The following DNAH14 variants were observed in gnomAD, a reference collection of about 807,000 sequenced individuals.
DNAH14 encodes the protein dynein axonemal heavy chain 14.
Under a neutral mutation model 520.9 loss-of-function variants are expected in DNAH14, and 478 were observed. The ratio of observed to expected loss-of-function variants is 0.92; its 90% CI spans 0.85 to 0.99. DNAH14 has a LOEUF of 0.99. Among genes scored for constraint, DNAH14 ranks in the 50% least tolerant of loss-of-function variants. The pLI, the probability that DNAH14 is intolerant of heterozygous loss-of-function variation, is 0.00. For synonymous variants in DNAH14, 1,581 were observed against 1,757.2 expected, an observed-to-expected ratio of 0.90 and a Z score of 2.51; for missense variants, 4,831 against 5,234.5, an observed-to-expected ratio of 0.92 and a Z score of 2.38.
chr1:225,182,996 T>C (rs988935788), intron 36 of DNAH14, among the ~76,000 whole-genome samples: 1 of 152,212 alleles, frequency 6.6e-6, no homozygotes, highest in Non-Finnish European at 1.5e-5. Context: ...TGAGATCAGC[T>C]GCAGCAGCTA....
chr1:225,351,772 G>A lies in DNAH14; in HGVS notation c.11422G>A (p.Val3808Ile), dbSNP rs1009849112. The change falls in exon 72 of 86, where the codon GTA (valine) becomes ATA (isoleucine). Residue 3808 changes from valine to isoleucine, a missense_variant. Coordinates refer to ENST00000682510, the MANE Select transcript of DNAH14 (RefSeq NM_001367479.1). ...SLLCKSLLSN[V>I]SQWDTFKNSK... The stretch of plus-strand genomic sequence containing the variant: ...TCTGTGCAAATCCCTTTTATCAAAC[G>A]TATCACAATGGGATACTTTTAAGAA... 2.2e-5 allele frequency: 34 copies of A among 1,551,014 alleles called. No homozygotes were observed. Among genetic ancestry groups the A allele is most frequent in the East Asian group, 1.2e-4 (5 of 40,910 alleles).
Position 225,367,874 on chromosome 1 carries a change from G to A in DNAH14, c.12160G>A (p.Glu4054Lys). 1 of 1,551,580 alleles carries A rather than the reference G, an allele frequency of 6.4e-7. No individual in the cohort carries two copies. The highest frequency in any genetic ancestry group is 1.2e-5 in the South Asian group (1 of 84,060). Reference sequence around the variant, plus strand: ...GACATTTGGATGTACTGGGAGTGGAGAGGTAACAGAAGAGATATTTGAAAA... The same window carrying A: ...GACATTTGGATGTACTGGGAGTGGAAAGGTAACAGAAGAGATATTTGAAAA... ...LQTFGCTGSGEVTEEIFENPD... is the reference protein window; with the variant it reads ...LQTFGCTGSGKVTEEIFENPD... Residue 4054 changes from glutamate (E) to lysine (K), a missense_variant, in exon 77 of 86, where the codon GAG (glutamate) becomes AAG (lysine). By Grantham distance (56) the Glu-to-Lys change is moderately conservative. Coordinates refer to ENST00000682510, the MANE Select transcript of DNAH14 (RefSeq NM_001367479.1).
chr1:225,299,889 T>A (rs891605670), intron 55 of DNAH14, among the ~76,000 whole-genome samples: 5 of 152,120 alleles, frequency 3.3e-5, no homozygotes, highest in African/African-American at 1.2e-4. Context: ...ACTGGAGAGC[T>A]CCCCACAAGC....
intron 1 of DNAH14, among the ~76,000 whole-genome samples, chr1:224,934,212 C>T (rs2449322): frequency 0.26 from 39,723 of 151,786 alleles, 8,077 homozygotes; most frequent in African/African-American, 0.56. Context: ...ATCTCAGATA[C>T]AGAACTCAAA....
intron 36 of DNAH14, among the ~76,000 whole-genome samples, chr1:225,176,343 T>C (rs2083330453): frequency 6.6e-6 from 1 of 152,212 alleles, no homozygotes; most frequent in African/African-American, 2.4e-5. Context: ...TTTTCAAAAA[T>C]AGTGAAGAGT....
Position 225,192,869 on chromosome 1 carries a change from CAT to C in DNAH14, c.5845_5846del (p.Ile1949Ter), listed in dbSNP as rs1478510498. 6.5e-7 allele frequency: 1 copy of C among 1,546,674 alleles called. No individual in the cohort carries two copies. The highest frequency in any genetic ancestry group is 8.7e-7 in the Non-Finnish European group (1 of 1,143,398). ...FNTPKNTKKD[I>X]DLRLKSRISD... Reference sequence around the variant, plus strand: ...ACACACCAAAGAACACAAAGAAAGACATTGATCTCAGACTAAAGTCAAGAATC... The same window carrying C: ...ACACACCAAAGAACACAAAGAAAGACTGATCTCAGACTAAAGTCAAGAATC... On this transcript the variant is annotated frameshift_variant, in exon 38 of 86. Coordinates refer to ENST00000682510, the MANE Select transcript of DNAH14 (RefSeq NM_001367479.1). LOFTEE classifies it high-confidence loss of function.
At chr1:225,395,315 C>T (rs957034512) in intron 84 of DNAH14, among the ~76,000 whole-genome samples, 2 of 152,024 alleles carry the variant, frequency 1.3e-5, no homozygotes, top group African/African-American at 4.8e-5. Flanking sequence ...AGGATTAGGC[C>T]GGGCGCGGTG....
At chr1:225,173,944 A>T (rs2083011238) in intron 36 of DNAH14, among the ~76,000 whole-genome samples, 1 of 152,246 alleles carries the variant, frequency 6.6e-6, no homozygotes, top group Non-Finnish European at 1.5e-5. Context: ...AAAAATGATG[A>T]GTTCATGTCC....
Position 225,043,981 on chromosome 1 carries a change from T to C in DNAH14, c.1910T>C (p.Ile637Thr). Residue 637 changes from isoleucine (I) to threonine (T), a missense_variant and splice_region_variant, in exon 15 of 86, where the codon ATA (isoleucine) becomes ACA (threonine). Ile to Thr is a moderately conservative substitution (Grantham distance 89). Coordinates refer to ENST00000682510, the MANE Select transcript of DNAH14 (RefSeq NM_001367479.1). Reference protein sequence around the residue: ...QNMLTNMEKCITTITPLCQDP... With the variant: ...QNMLTNMEKCTTTITPLCQDP... ...ATGTTGACTAATATGGAAAAATGTA[T>C]AAGTAAGTGTTTTTAAAGCTTAGTG... 1 of 1,467,316 alleles carries C rather than the reference T, an allele frequency of 6.8e-7. No individual in the cohort carries two copies. 90.9% of individuals were successfully genotyped at this position (1,467,316 alleles called of 1,614,324 possible).
At chr1:225,318,271 C>T (rs983629309) in intron 60 of DNAH14, among the ~76,000 whole-genome samples, 2 of 152,182 alleles carry the variant, frequency 1.3e-5, no homozygotes, top group African/African-American at 2.4e-5. Context: ...TAATTCTACC[C>T]TTAACTGGAC....
intron 77 of DNAH14, among the ~76,000 whole-genome samples, chr1:225,374,182 T>TATATATATATATATATAC (rs1263904206): frequency 5.1e-5 from 5 of 97,120 alleles, no homozygotes; most frequent in Admixed American, 1.2e-4. Flanking sequence ...TATATATATA[T>TATATATATATATATATAC]ACTATTCTAG....
chr1:225,304,025 C>T (rs2094192005), intron 57 of DNAH14, among the ~76,000 whole-genome samples: 2 of 151,948 alleles, frequency 1.3e-5, no homozygotes, highest in Admixed American at 1.3e-4. Context: ...AAAAAAAATG[C>T]CGCTGAGTTA....
intron 17 of DNAH14, among the ~76,000 whole-genome samples, chr1:225,072,172 T>C (rs917369379): frequency 1.3e-5 from 2 of 152,308 alleles, no homozygotes; most frequent in African/African-American, 4.8e-5. Flanking sequence ...CTCTTTCAGG[T>C]ACACCAATCA....
chr1:224,975,760 T>C (rs556637864), intron 8 of DNAH14, among the ~76,000 whole-genome samples: 144 of 151,600 alleles, frequency 9.5e-4, no homozygotes, highest in Admixed American at 1.8e-3. Context: ...ATTTCTTGCC[T>C]TCTGCTAGCT....
At chr1:225,393,815 T>TTG (rs2095958193) in intron 84 of DNAH14, among the ~76,000 whole-genome samples, 1 of 135,986 alleles carries the variant, frequency 7.4e-6, no homozygotes, top group African/African-American at 3.2e-5. Flanking sequence ...TCTTTTTTTG[T>TTG]TTTTTTTTTG....
chr1:225,318,196 T>G (rs1275383221), intron 60 of DNAH14, among the ~76,000 whole-genome samples: 2 of 152,216 alleles, frequency 1.3e-5, no homozygotes, highest in Admixed American at 1.3e-4. Context: ...GCAGGGCTGC[T>G]TGCACAGCCT....
In DNAH14 at chr1:225,380,238, G is replaced by T. The variant is rs887165297; in HGVS notation, c.12796G>T (p.Glu4266Ter). 1.1e-5 allele frequency: 17 copies of T among 1,551,576 alleles called. No individual in the cohort carries two copies. Among genetic ancestry groups the T allele is most frequent in the Non-Finnish European group, 1.4e-5 (16 of 1,147,002 alleles). Residue 4266 changes from glutamate to a stop codon, truncating the protein, a stop_gained, in exon 80 of 86, where the codon GAA becomes TAA. Transcript: ENST00000682510. LOFTEE classifies it high-confidence loss of function. ...LKRLPLTVEK[E>*]EIAVGTPSTL... Reference sequence around the variant, plus strand: ...GCGGCTGCCACTGACAGTGGAGAAAGAAGAAATTGCTGTTGGAACTCCAAG... The same window carrying T: ...GCGGCTGCCACTGACAGTGGAGAAATAAGAAATTGCTGTTGGAACTCCAAG...
chr1:225,106,733 G>C (rs3101915), intron 23 of DNAH14, among the ~76,000 whole-genome samples: 9,858 of 152,076 alleles, frequency 0.065, 541 homozygotes, highest in East Asian at 0.24. Context: ...AGCTCCATCA[G>C]GTCCTTTAAG....
chr1:225,346,459 G>A lies in DNAH14; in HGVS notation c.11101G>A (p.Val3701Ile), dbSNP rs568440241. The change falls in exon 71 of 86, where the codon GTT (valine) becomes ATT (isoleucine). Residue 3701 changes from valine (V) to isoleucine (I), a missense_variant. Val to Ile is a conservative substitution (Grantham distance 29, BLOSUM62 3). Transcript: ENST00000682510. Reference protein sequence around the residue: ...DMLTKSIFKVVSSALFNEDKL... With the variant: ...DMLTKSIFKVISSALFNEDKL... Reference sequence around the variant, plus strand: ...ATATGTTATATTTTCCCTATAGGTGGTTTCTTCAGCTCTATTTAATGAAGA... The same window carrying A: ...ATATGTTATATTTTCCCTATAGGTGATTTCTTCAGCTCTATTTAATGAAGA... 13 of 1,545,170 alleles carry A rather than the reference G, an allele frequency of 8.4e-6. No homozygotes were observed. The South Asian group carries it at 1.6e-4, about 19-fold the overall frequency.
Sources: gnomAD v4.1 joint callset for allele counts (sites outside exome capture counted in the v4.1 genomes callset) on GRCh38, gnomAD v4.1.1 for gene constraint, MANE v1.5 for transcripts, NCBI Gene and HGNC (gene_info 2026-07-23, HGNC 2026-07-21) for gene names.